Variants in CALCRL observed in about 807,000 individuals in gnomAD.
The protein encoded by CALCRL is calcitonin gene-related peptide type 1 receptor.
A neutral mutation model predicts 60.4 loss-of-function variants in CALCRL; 27 were observed. The ratio of observed to expected loss-of-function variants is 0.45; its 90% CI spans 0.33 to 0.62. The LOEUF is 0.62. CALCRL is among the 20% of genes least tolerant of loss of function. CALCRL has a pLI of 0.03. For synonymous variants in CALCRL, 190 were observed against 182.6 expected (o/e 1.04, Z -0.33); for missense variants, 424 against 540.7 (o/e 0.78, Z 2.14).
At chr2:187,424,070 A>G (rs912626176) in intron 1 of CALCRL, among the ~76,000 whole-genome samples, 1 of 152,076 alleles carries the variant, frequency 6.6e-6, no homozygotes, top group Non-Finnish European at 1.5e-5. Context: ...TTGATGCCAT[A>G]TAGACAAAAC....
In CALCRL at chr2:187,446,886, C is replaced by T. The variant is rs1243300527; in HGVS notation, c.-293+1153G>A. On this transcript the variant is annotated intron_variant, in intron 1 of 14. Coordinates refer to ENST00000392370, the MANE Select transcript of CALCRL (RefSeq NM_005795.6). The stretch of plus-strand genomic sequence containing the variant: ...ATGTTTGTAGTCTATTATTAATGTG[C>T]CAGATATAAGTGATTAAGTACAGGA... Among the ~76,000 whole-genome samples the T allele has an allele frequency of 2.0e-5, 3 of 151,780 alleles. No individual in the cohort carries two copies. The East Asian group carries it at 5.8e-4, about 29-fold the overall frequency.
intron 1 of CALCRL, among the ~76,000 whole-genome samples, chr2:187,444,088 A>G (rs1203919835): frequency 6.6e-6 from 1 of 151,682 alleles, no homozygotes; most frequent in Non-Finnish European, 1.5e-5. Flanking sequence ...TTGCTATGTA[A>G]GTAAATCATT....
At chr2:187,408,361 A>G (rs925510627) in intron 1 of CALCRL, among the ~76,000 whole-genome samples, 3 of 152,068 alleles carry the variant, frequency 2.0e-5, no homozygotes, top group Non-Finnish European at 4.4e-5. Context: ...ATAAATGAAT[A>G]GGGCAACATT....
At chr2:187,443,753 T>C (rs1278789186) in intron 1 of CALCRL, among the ~76,000 whole-genome samples, 1 of 151,678 alleles carries the variant, frequency 6.6e-6, no homozygotes. Flanking sequence ...TTTCCCATGG[T>C]TTTAACTCTC....
At chr2:187,400,947 C>T (rs983758473) in intron 1 of CALCRL, among the ~76,000 whole-genome samples, 4 of 151,268 alleles carry the variant, frequency 2.6e-5, no homozygotes, top group Admixed American at 2.0e-4. Flanking sequence ...TGAATGTGTT[C>T]GAAAATGATA....
At chr2:187,381,468 T>C (rs1358974555) in intron 5 of CALCRL, among the ~76,000 whole-genome samples, 1 of 152,096 alleles carries the variant, frequency 6.6e-6, no homozygotes, top group Non-Finnish European at 1.5e-5. Context: ...AATTTTCTTT[T>C]TTTTTTTGAG....
chr2:187,380,601 G>A (rs779363046), intron 6 of CALCRL, 22 bp from the exon 7 acceptor site: 5 of 1,591,044 alleles, frequency 3.1e-6, no homozygotes, highest in Non-Finnish European at 3.4e-6. Flanking sequence ...AAAAAAAAGG[G>A]AAAACAGGAA....
Position 187,360,599 on chromosome 2 carries a change from C to G in CALCRL, c.780G>C (p.Trp260Cys). The G allele has an allele frequency of 1.9e-6, 3 of 1,608,520 alleles. No individual in the cohort carries two copies. The highest frequency in any genetic ancestry group is 2.5e-6 in the Non-Finnish European group (3 of 1,177,532). ...QHLMWYYFLG[W>C]GFPLIPACIH... Reference sequence around the variant, plus strand: ...ACAAGTATGTATAATAACACTTACCCCAGCCAAGAAAATAATACCACATTA... The same window carrying G: ...ACAAGTATGTATAATAACACTTACCGCAGCCAAGAAAATAATACCACATTA... The change falls in exon 10 of 15, where the codon TGG (tryptophan) becomes TGC (cysteine). Residue 260 changes from tryptophan to cysteine, a missense_variant and splice_region_variant. By Grantham distance (215) the Trp-to-Cys change is radical (BLOSUM62 -2). Transcript: ENST00000392370.
chr2:187,419,675 AT>A (rs892003479), intron 1 of CALCRL, among the ~76,000 whole-genome samples: 28 of 152,126 alleles, frequency 1.8e-4, no homozygotes, highest in African/African-American at 6.0e-4. Flanking sequence ...AGGCCATTTC[AT>A]TTTTTTCAAA....
At chr2:187,351,811 T>C in intron 14 of CALCRL, 109 bp downstream of exon 14, 1 of 707,512 alleles carries the variant, frequency 1.4e-6, no homozygotes, top group Non-Finnish European at 2.3e-6. Flanking sequence ...AAACAGAATT[T>C]AACATGGTTG....
chr2:187,377,508 T>C (rs1687807745), intron 8 of CALCRL, among the ~76,000 whole-genome samples: 1 of 152,124 alleles, frequency 6.6e-6, no homozygotes, highest in Non-Finnish European at 1.5e-5. Context: ...GTAGATAATA[T>C]GAATTTGTTT....
At chr2:187,389,290 C>T (rs1688335515) in intron 1 of CALCRL, among the ~76,000 whole-genome samples, 1 of 151,966 alleles carries the variant, frequency 6.6e-6, no homozygotes, top group Non-Finnish European at 1.5e-5. Flanking sequence ...CCAGGCTGGT[C>T]GCAAACTCCT....
chr2:187,362,725 A>G (rs563791447), intron 9 of CALCRL, among the ~76,000 whole-genome samples: 1 of 152,220 alleles, frequency 6.6e-6, no homozygotes, highest in South Asian at 2.1e-4. Context: ...TTACATTTAG[A>G]TAAGTAAATT....
chr2:187,411,368 A>G (rs761967398), intron 1 of CALCRL, among the ~76,000 whole-genome samples: 21 of 152,128 alleles, frequency 1.4e-4, no homozygotes, highest in Non-Finnish European at 2.8e-4. Flanking sequence ...TGCTACACCT[A>G]AAGAGTTTTT....
intron 1 of CALCRL, among the ~76,000 whole-genome samples, chr2:187,405,521 CTCA>C (rs1358469326): frequency 6.6e-6 from 1 of 152,006 alleles, no homozygotes; most frequent in Non-Finnish European, 1.5e-5. Context: ...CTCATCTTTT[CTCA>C]TCATCCCGAG....
Position 187,360,575 on chromosome 2 carries a change from CAAGT to C in CALCRL, c.781+19_781+22del. The C allele has an allele frequency of 6.3e-7, 1 of 1,579,252 alleles. No homozygotes were observed. The highest frequency in any genetic ancestry group is 8.6e-7 in the Non-Finnish European group (1 of 1,163,278). On this transcript the variant is annotated intron_variant, in intron 10 of 14. Transcript: ENST00000392370. ...AGGCTTCTTTAATCCACTGAATCAACAAGTATGTATAATAACACTTACCCCAGCC... is the reference window on the plus strand; with the variant it reads ...AGGCTTCTTTAATCCACTGAATCAACATGTATAATAACACTTACCCCAGCC...
chr2:187,415,663 G>T, intron 1 of CALCRL: 1 of 617,976 alleles, frequency 1.6e-6, no homozygotes, highest in Non-Finnish European at 3.0e-6. Context: ...GGACATTCTG[G>T]GCTACACTGA....
At chr2:187,385,665 A>G in intron 3 of CALCRL, 34 bp from the exon 4 acceptor site, 1 of 1,031,106 alleles carries the variant, frequency 9.7e-7, no homozygotes, top group Non-Finnish European at 1.4e-6. Flanking sequence ...ATAATTCATC[A>G]ATATTTATGA....
chr2:187,409,962 C>T (rs1015584113), intron 1 of CALCRL, among the ~76,000 whole-genome samples: 5 of 152,134 alleles, frequency 3.3e-5, no homozygotes, highest in South Asian at 4.1e-4. Context: ...GATGCAGGGA[C>T]CACACTAAGC....
Sources: gnomAD v4.1 joint callset for allele counts (sites outside exome capture counted in the v4.1 genomes callset) on GRCh38, gnomAD v4.1.1 for gene constraint, MANE v1.5 for transcripts, NCBI Gene and HGNC (gene_info 2026-07-23, HGNC 2026-07-21) for gene names.